The following LRRC4C variants were observed in gnomAD, a reference collection of about 807,000 sequenced individuals.
LRRC4C encodes the protein leucine rich repeat containing 4C, also known as leucine-rich repeat-containing protein 4C.
In LRRC4C, 5 loss-of-function variants were observed where a neutral mutation model predicts 33.6. That is an observed-to-expected ratio of 0.15 (90% CI 0.08 to 0.31). LRRC4C has a LOEUF of 0.31. LRRC4C is among the 10% of genes least tolerant of loss of function. The pLI is 1.00. For missense variants in LRRC4C, 560 were observed against 796.7 expected (o/e 0.70, Z 3.58); for synonymous variants, 329 against 302.0 (o/e 1.09, Z -0.93).
intron 1 of LRRC4C, among the ~76,000 whole-genome samples, chr11:41,328,152 ATATTATCTTTCC>A (rs1169139495): frequency 6.6e-6 from 1 of 152,068 alleles, no homozygotes; most frequent in Non-Finnish European, 1.5e-5. Context: ...TGCCACATTG[ATATTATCTTTCC>A]TGTGGGCTAA....
At position 41,002,621 on chromosome 11, in the gene LRRC4C, T is replaced by G. The variant is rs952751119; in HGVS notation, c.-495-68898A>C. Among the ~76,000 whole-genome samples, 5 of 152,332 alleles carry G rather than the reference T, an allele frequency of 3.3e-5. No individual in the cohort carries two copies. The East Asian group carries it at 7.7e-4, about 24-fold the overall frequency. ...AGGCCAGAATTACAAATAATGGCAT[T>G]GTATTTTATTCATGCTGAGCAATTT... is the stretch of plus-strand genomic sequence containing the variant. On this transcript the variant is annotated intron_variant, in intron 1 of 6. Coordinates refer to ENST00000528697, the MANE Select transcript of LRRC4C (RefSeq NM_001258419.2).
At chr11:40,203,846 G>A (rs756083088) in intron 5 of LRRC4C, among the ~76,000 whole-genome samples, 3 of 152,186 alleles carry the variant, frequency 2.0e-5, no homozygotes, top group Non-Finnish European at 4.4e-5. Flanking sequence ...TTCCTTGTGA[G>A]CTGCTCCCCA....
chr11:40,500,930 G>A (rs917630219), intron 3 of LRRC4C, among the ~76,000 whole-genome samples: 4 of 152,144 alleles, frequency 2.6e-5, no homozygotes, highest in African/African-American at 7.2e-5. Context: ...CTATGAGCCT[G>A]TAAAATCAAA....
At chr11:40,143,188 T>G (rs1857492151) in intron 5 of LRRC4C, among the ~76,000 whole-genome samples, 1 of 152,326 alleles carries the variant, frequency 6.6e-6, no homozygotes, top group Middle Eastern at 3.4e-3. Context: ...TATTGCTATG[T>G]CTTGGTCCAA....
chr11:40,494,434 A>G (rs1269221871), intron 3 of LRRC4C, among the ~76,000 whole-genome samples: 1 of 152,152 alleles, frequency 6.6e-6, no homozygotes, highest in African/African-American at 2.4e-5. Context: ...CAAGATAGAG[A>G]ATAGTGATTA....
At chr11:41,010,205 A>G (rs1001372371) in intron 1 of LRRC4C, among the ~76,000 whole-genome samples, 2 of 152,146 alleles carry the variant, frequency 1.3e-5, no homozygotes, top group African/African-American at 2.4e-5. Context: ...TAAGCCACCC[A>G]GTATTTGGTA....
Position 40,461,167 on chromosome 11 carries a change from T to C in LRRC4C, c.-269-141446A>G, listed in dbSNP as rs559493974. Among the ~76,000 whole-genome samples the C allele has an allele frequency of 3.3e-5, 5 of 152,306 alleles. 1 individual carries two copies. Among genetic ancestry groups the C allele is most frequent in the African/African-American group, 1.2e-4 (5 of 41,578 alleles). On this transcript the variant is annotated intron_variant, in intron 3 of 6. Coordinates refer to ENST00000528697, the MANE Select transcript of LRRC4C (RefSeq NM_001258419.2). The stretch of plus-strand genomic sequence containing the variant: ...GATTTCTTCAGGGTTAAACAGCTTA[T>C]TCAAGAGTACATTATTATTAGTGGC...
chr11:40,612,172 A>T (rs1030127417), intron 3 of LRRC4C, among the ~76,000 whole-genome samples: 2 of 151,944 alleles, frequency 1.3e-5, no homozygotes, highest in Non-Finnish European at 2.9e-5. Flanking sequence ...GATAAAGAAA[A>T]TGTGGTATAT....
chr11:40,691,249 T>C (rs184734985), intron 2 of LRRC4C, among the ~76,000 whole-genome samples: 1 of 151,850 alleles, frequency 6.6e-6, no homozygotes, highest in African/African-American at 2.4e-5. Flanking sequence ...CTAAGTGCCA[T>C]AACAAACTGG....
chr11:40,237,462 C>T (rs555072218), intron 5 of LRRC4C, among the ~76,000 whole-genome samples: 1 of 152,168 alleles, frequency 6.6e-6, no homozygotes, highest in African/African-American at 2.4e-5. Flanking sequence ...CTCTATTTGT[C>T]CACTGATAAA....
At chr11:40,915,402 A>G (rs571592154) in intron 2 of LRRC4C, among the ~76,000 whole-genome samples, 1 of 152,302 alleles carries the variant, frequency 6.6e-6, no homozygotes, top group South Asian at 2.1e-4. Flanking sequence ...CATATCTATC[A>G]CTACCTGATC....
chr11:40,963,393 A>G (rs1395103184), intron 1 of LRRC4C, among the ~76,000 whole-genome samples: 1 of 151,750 alleles, frequency 6.6e-6, no homozygotes, highest in Non-Finnish European at 1.5e-5. Flanking sequence ...TCAATGGTAT[A>G]TAAATCAACA....
intron 2 of LRRC4C, among the ~76,000 whole-genome samples, chr11:40,814,136 C>T (rs1015339487): frequency 6.6e-6 from 1 of 152,176 alleles, no homozygotes; most frequent in African/African-American, 2.4e-5. Context: ...TCCCTTCTGC[C>T]CTGACCTATC....
At chr11:40,839,518 T>C (rs1395589440) in intron 2 of LRRC4C, among the ~76,000 whole-genome samples, 1 of 152,152 alleles carries the variant, frequency 6.6e-6, no homozygotes, top group Non-Finnish European at 1.5e-5. Context: ...AGTGCTGGGA[T>C]TACAGGCGTG....
intron 3 of LRRC4C, among the ~76,000 whole-genome samples, chr11:40,551,979 A>T (rs531454074): frequency 6.6e-6 from 1 of 152,330 alleles, no homozygotes; most frequent in African/African-American, 2.4e-5. Flanking sequence ...ATCCTCATCC[A>T]ATTCATTGAC....
chr11:40,546,571 A>C (rs1272868910), intron 3 of LRRC4C, among the ~76,000 whole-genome samples: 1 of 152,038 alleles, frequency 6.6e-6, no homozygotes, highest in Non-Finnish European at 1.5e-5. Context: ...CAGATGAAAA[A>C]ATTTGAATTA....
At position 40,581,767 on chromosome 11, in the gene LRRC4C, G is replaced by A. The variant is rs1201887207; in HGVS notation, c.-270+66375C>T. ...AAATACAAAAAATTAGCTGGGCATG[G>A]TGGCACCCACCTGTAATCCCAGCTA... On this transcript the variant is annotated intron_variant, in intron 3 of 6. Transcript: ENST00000528697. Among the ~76,000 whole-genome samples, 4 of 152,212 alleles carry A rather than the reference G, an allele frequency of 2.6e-5. No individual in the cohort carries two copies. In the East Asian group the frequency reaches 5.8e-4, roughly 22 times the overall value.
chr11:40,292,632 A>G (rs973994582), intron 4 of LRRC4C: 2 of 107,090 alleles, frequency 1.9e-5, no homozygotes, highest in African/African-American at 7.5e-5. Flanking sequence ...TCGGTTCTTC[A>G]TTTCCAATCA....
chr11:41,031,270 C>A (rs922384410), intron 1 of LRRC4C, among the ~76,000 whole-genome samples: 1 of 152,044 alleles, frequency 6.6e-6, no homozygotes. Context: ...ACATCTGCTA[C>A]CATTCTGCTT....
Sources: gnomAD v4.1 joint callset for allele counts (sites outside exome capture counted in the v4.1 genomes callset) on GRCh38, gnomAD v4.1.1 for gene constraint, MANE v1.5 for transcripts, NCBI Gene and HGNC (gene_info 2026-07-23, HGNC 2026-07-21) for gene names.